Variants in AKAP13 observed in about 807,000 individuals in gnomAD.
AKAP13 encodes the protein A-kinase anchor protein 13.
In AKAP13, 80 loss-of-function variants were observed where a neutral mutation model predicts 264.5. The ratio of observed to expected loss-of-function variants is 0.30; its 90% CI spans 0.25 to 0.36. The LOEUF is 0.36. AKAP13 is among the 10% of genes least tolerant of loss of function. The pLI is 1.00. For synonymous variants in AKAP13, 1,380 were observed against 1,250.2 expected (o/e 1.10, Z -2.19); for missense variants, 3,712 against 3,435.2 (o/e 1.08, Z -2.01).
chr15:85,676,808 G>A (rs2084253945), intron 14 of AKAP13, among the ~76,000 whole-genome samples: 1 of 152,174 alleles, frequency 6.6e-6, no homozygotes, highest in African/African-American at 2.4e-5. Context: ...TTAGAATTCT[G>A]TATATTCAGA....
intron 32 of AKAP13, 117 bp from the exon 33 acceptor site, chr15:85,735,973 C>T: frequency 1.2e-6 from 1 of 868,554 alleles, no homozygotes; most frequent in Non-Finnish European, 1.9e-6. Context: ...ACCTTCACTA[C>T]CTTAGTGAGA....
At chr15:85,717,940 A>G in intron 21 of AKAP13, 67 bp from the exon 22 acceptor site, 4 of 1,493,196 alleles carry the variant, frequency 2.7e-6, no homozygotes, top group Non-Finnish European at 1.8e-6. Flanking sequence ...TCTTGAGGAA[A>G]GTCCAACATA....
At chr15:85,443,859 C>T (rs1043622197) in intron 1 of AKAP13, among the ~76,000 whole-genome samples, 1 of 151,816 alleles carries the variant, frequency 6.6e-6, no homozygotes, top group African/African-American at 2.4e-5. Context: ...TTATGACTGT[C>T]AAGGCTACTT....
intron 1 of AKAP13, among the ~76,000 whole-genome samples, chr15:85,443,760 T>TA (rs532209551): frequency 0.15 from 19,153 of 128,570 alleles, 1,614 homozygotes; most frequent in Non-Finnish European, 0.22. Context: ...TGGTTTCATG[T>TA]AAAAAAAAAA....
At chr15:85,726,981 T>A in intron 27 of AKAP13, 85 bp from the exon 28 acceptor site, 1 of 1,480,042 alleles carries the variant, frequency 6.8e-7, no homozygotes, top group South Asian at 1.2e-5. Context: ...TTTAACAGCA[T>A]CTGGTCTTAC....
rs1382818142 is a variant in AKAP13, at chr15:85,747,601, G to A, written c.*2924G>A. On this transcript the variant is annotated 3_prime_UTR_variant, in exon 37 of 37. Coordinates refer to ENST00000394518, the MANE Select transcript of AKAP13 (RefSeq NM_007200.5). The stretch of plus-strand genomic sequence containing the variant: ...TCTCTCAATTCCAGTCATCTCAGTC[G>A]TTGTCGTTAGGTGACATGTGCACTT... 4 of 152,582 alleles carry A rather than the reference G, an allele frequency of 2.6e-5. No individual in the cohort carries two copies. The highest frequency in any genetic ancestry group is 7.2e-5 in the African/African-American group (3 of 41,424). The allele number at this position is 152,582 out of a possible 1,614,324, so 9.5% of individuals were successfully genotyped here.
At chr15:85,480,329 C>G (rs1039128521) in intron 1 of AKAP13, among the ~76,000 whole-genome samples, 1 of 152,150 alleles carries the variant, frequency 6.6e-6, no homozygotes. Context: ...TGGGGTTAGT[C>G]TCCATTGAGA....
At chr15:85,663,477 CAAAATAAA>C in intron 12 of AKAP13, among the ~76,000 whole-genome samples, 1 of 151,884 alleles carries the variant, frequency 6.6e-6, no homozygotes, top group South Asian at 2.1e-4. Context: ...TTTACAAAAC[CAAAATAAA>C]TAAATAAATA....
intron 18 of AKAP13, among the ~76,000 whole-genome samples, chr15:85,709,317 C>CT (rs1412246285): frequency 1.3e-5 from 2 of 152,118 alleles, no homozygotes; most frequent in Non-Finnish European, 2.9e-5. Context: ...TAGTCTGTAT[C>CT]TTCCCCCCAC....
chr15:85,745,273 G>A lies in AKAP13; in HGVS notation c.*596G>A, dbSNP rs1224556006. 1 of 152,062 alleles carries A rather than the reference G, an allele frequency of 6.6e-6. No individual in the cohort carries two copies. The highest frequency in any genetic ancestry group is 1.5e-5 in the Non-Finnish European group (1 of 68,042). The allele number at this position is 152,062 out of a possible 1,614,324, so 9.4% of individuals were successfully genotyped here. On this transcript the variant is annotated 3_prime_UTR_variant, in exon 37 of 37. Transcript: ENST00000394518. ...CTGGTTTCCCTCTAAACCCATCCCG[G>A]GCACATACCACCCGTGTTTTGCATG...
At chr15:85,456,514 C>T (rs1024300631) in intron 1 of AKAP13, among the ~76,000 whole-genome samples, 25 of 151,136 alleles carry the variant, frequency 1.7e-4, no homozygotes, top group African/African-American at 5.8e-4. Context: ...AGCAGGGCTA[C>T]CCCAAAGGCA....
intron 1 of AKAP13, among the ~76,000 whole-genome samples, chr15:85,408,800 T>A (rs1485936493): frequency 6.6e-6 from 1 of 151,856 alleles, no homozygotes; most frequent in Non-Finnish European, 1.5e-5. Context: ...TGTACAGACA[T>A]CTTTCGAAGT....
intron 5 of AKAP13, among the ~76,000 whole-genome samples, chr15:85,548,897 A>G (rs1294510410): frequency 6.9e-6 from 1 of 145,056 alleles, no homozygotes; most frequent in Non-Finnish European, 1.5e-5. Flanking sequence ...TCCAAACCTC[A>G]GTGCCTTTTT....
At chr15:85,430,888 T>C (rs2072998066) in intron 1 of AKAP13, among the ~76,000 whole-genome samples, 1 of 152,190 alleles carries the variant, frequency 6.6e-6, no homozygotes, top group South Asian at 2.1e-4. Context: ...AGCTAACAAA[T>C]GAAAAGATCC....
At chr15:85,569,504 G>GTGCAATGCATCGATCTCGGCTCAC (rs1200998015) in intron 5 of AKAP13, among the ~76,000 whole-genome samples, 2 of 143,902 alleles carry the variant, frequency 1.4e-5, no homozygotes, top group Non-Finnish European at 3.0e-5. Context: ...CTAGGCTGCA[G>GTGCAATGCATCGATCTCGGCTCAC]TGCAATGCAT....
At chr15:85,488,174 C>T (rs569129807) in intron 2 of AKAP13, among the ~76,000 whole-genome samples, 3 of 152,276 alleles carry the variant, frequency 2.0e-5, no homozygotes, top group East Asian at 3.9e-4. Flanking sequence ...ATGAGCCATC[C>T]TGCCTGGCCT....
In AKAP13 at chr15:85,581,273, G is replaced by C. The variant is rs761709034; in HGVS notation, c.3205G>C (p.Val1069Leu). 33 of 1,614,238 alleles carry C rather than the reference G, an allele frequency of 2.0e-5. 1 individual carries two copies. Among genetic ancestry groups the C allele is most frequent in the Non-Finnish European group, 2.7e-5 (32 of 1,180,034 alleles). The change falls in exon 7 of 37, where the codon GTG (valine) becomes CTG (leucine). Residue 1069 changes from valine to leucine, a missense_variant. Around this residue, in one of 3 missense-constraint regions of AKAP13, gnomAD observed 2,759 missense variants for 2,411.7 expected, o/e 1.14. Transcript: ENST00000394518. ...TCAGCCTTCTCCTCTGGATGTTGGA[G>C]TGAAGAACACTCAATCCCAGGGAAA... ...CSQPSPLDVG[V>L]KNTQSQGKTS...
chr15:85,469,345 G>T (rs1291426357), intron 1 of AKAP13, among the ~76,000 whole-genome samples: 1 of 152,088 alleles, frequency 6.6e-6, no homozygotes, highest in Non-Finnish European at 1.5e-5. Context: ...TAGACCTGAG[G>T]TTAGGGCTGT....
chr15:85,654,016 C>T (rs545033658), intron 10 of AKAP13, among the ~76,000 whole-genome samples: 1 of 152,286 alleles, frequency 6.6e-6, no homozygotes, highest in East Asian at 1.9e-4. Context: ...TGCGCCCAGC[C>T]ACTGGTATGT....
Sources: gnomAD v4.1 joint callset for allele counts (sites outside exome capture counted in the v4.1 genomes callset) on GRCh38, gnomAD v4.1.1 for gene constraint, gnomAD v4.1.1 regional missense constraint, MANE v1.5 for transcripts, NCBI Gene and HGNC (gene_info 2026-07-23, HGNC 2026-07-21) for gene names.